The following MMD2 variants were observed in gnomAD, a reference collection of about 807,000 sequenced individuals.
MMD2 encodes monocyte to macrophage differentiation factor 2.
MMD2 carries 30 observed loss-of-function variants against 33.5 expected under a neutral mutation model. The observed-to-expected ratio is 0.90, with a 90% CI of 0.67 to 1.22. MMD2 has a LOEUF of 1.22. MMD2 is among the 50% of genes most tolerant of loss of function. The pLI is 0.00. For missense variants in MMD2, 364 were observed against 325.4 expected (o/e 1.12, Z -0.91); for synonymous variants, 129 against 123.0 (o/e 1.05, Z -0.32).
chr7:4,892,995 C>A, the MMD2 span, among the ~76,000 whole-genome samples: 2 of 152,032 alleles, frequency 1.3e-5, no homozygotes, highest in Non-Finnish European at 2.9e-5. Context: ...ATTACAGGCG[C>A]GAGCCACCGC....
intron 1 of MMD2, among the ~76,000 whole-genome samples, chr7:4,930,291 A>AAAG (rs1242304038): frequency 4.0e-5 from 6 of 148,538 alleles, no homozygotes; most frequent in African/African-American, 4.9e-5. Flanking sequence ...AAAAAAAAAA[A>AAAG]GAGCCCAGAC....
chr7:4,909,638 G>T, intron 6 of MMD2: 1 of 686,200 alleles, frequency 1.5e-6, no homozygotes. Flanking sequence ...GTCTTGCTAT[G>T]TTGCCCAGGC....
chr7:4,911,599 TTTTA>T (rs1222829952), intron 4 of MMD2, among the ~76,000 whole-genome samples: 86 of 18,474 alleles, frequency 4.7e-3, no homozygotes, highest in African/African-American at 0.031. Context: ...TGCTGTTTTG[TTTTA>T]TTTATTTTAT....
At chr7:4,950,959 C>T (rs979378373) in intron 1 of MMD2, among the ~76,000 whole-genome samples, 5 of 152,058 alleles carry the variant, frequency 3.3e-5, no homozygotes, top group South Asian at 2.1e-4. Flanking sequence ...ATGACCCACC[C>T]GCCTCAGCCT....
chr7:4,934,843 C>G (rs1459970705), intron 1 of MMD2, among the ~76,000 whole-genome samples: 1 of 152,182 alleles, frequency 6.6e-6, no homozygotes, highest in Non-Finnish European at 1.5e-5. Flanking sequence ...CTGCAGCTTC[C>G]AAGTATGTAA....
At chr7:4,908,726 A>G (rs548809602) in intron 6 of MMD2, among the ~76,000 whole-genome samples, 49 of 151,714 alleles carry the variant, frequency 3.2e-4, no homozygotes, top group South Asian at 1.0e-3. Flanking sequence ...GTGAAACCCC[A>G]TCTCTACTAA....
intron 1 of MMD2, among the ~76,000 whole-genome samples, chr7:4,930,517 G>C (rs1785552289): frequency 6.6e-6 from 1 of 150,830 alleles, no homozygotes; most frequent in African/African-American, 2.4e-5. Context: ...AGTGGTGGGC[G>C]ACTGTAATCC....
chr7:4,921,093 A>G (rs765086636), intron 2 of MMD2, among the ~76,000 whole-genome samples: 3 of 152,124 alleles, frequency 2.0e-5, no homozygotes, highest in African/African-American at 7.2e-5. Context: ...CTTTGATTCA[A>G]TTCTCAAAGG....
chr7:4,944,331 G>T (rs552626374), intron 1 of MMD2, among the ~76,000 whole-genome samples: 1 of 152,182 alleles, frequency 6.6e-6, no homozygotes, highest in Non-Finnish European at 1.5e-5. Context: ...CCTGGCCCCA[G>T]GGAAACTTTA....
intron 1 of MMD2, among the ~76,000 whole-genome samples, chr7:4,926,197 A>T (rs1489961907): frequency 6.6e-6 from 1 of 151,920 alleles, no homozygotes; most frequent in Non-Finnish European, 1.5e-5. Context: ...TCCTGGGCTC[A>T]AGTGATCCTC....
intron 1 of MMD2, among the ~76,000 whole-genome samples, 152 bp downstream of exon 1, chr7:4,958,819 T>G (rs556230224): frequency 6.6e-6 from 1 of 152,176 alleles, no homozygotes; most frequent in South Asian, 2.1e-4. Flanking sequence ...CGAGGCTGCC[T>G]GGGTCCTGGT....
Position 4,937,408 on chromosome 7 carries a change from A to G in MMD2, c.48-11876T>C, listed in dbSNP as rs188088829. 2.3e-3 allele frequency among the ~76,000 whole-genome samples: 350 copies of G among 152,048 alleles called. 1 individual carries two copies. The highest frequency in any genetic ancestry group is 7.8e-3 in the African/African-American group (322 of 41,506). Reference sequence around the variant, plus strand: ...AGAGACTCTGTCACAAAAAGAAAAAAAGAAAGAAAAAGAAAGAAAGAGAAA... The same window carrying G: ...AGAGACTCTGTCACAAAAAGAAAAAGAGAAAGAAAAAGAAAGAAAGAGAAA... On this transcript the variant is annotated intron_variant, in intron 1 of 6. Coordinates refer to ENST00000401401, the MANE Select transcript of MMD2 (RefSeq NM_198403.4).
intron 4 of MMD2, 106 bp from the exon 5 acceptor site, chr7:4,911,352 A>T (rs1440235391): frequency 3.6e-6 from 3 of 824,484 alleles, no homozygotes; most frequent in Non-Finnish European, 5.8e-6. Flanking sequence ...AAGTCCTGTC[A>T]CCTGTGACTC....
intron 1 of MMD2, among the ~76,000 whole-genome samples, chr7:4,926,090 G>GAT (rs1785417819): frequency 1.3e-5 from 2 of 151,742 alleles, no homozygotes; most frequent in South Asian, 4.2e-4. Flanking sequence ...ACAGGCGTGA[G>GAT]ATACCACGCC....
chr7:4,933,674 C>G (rs1785657001), intron 1 of MMD2, among the ~76,000 whole-genome samples: 1 of 151,918 alleles, frequency 6.6e-6, no homozygotes, highest in Admixed American at 6.6e-5. Context: ...GGTCTATCAC[C>G]CTGGCTGGAG....
the MMD2 span, among the ~76,000 whole-genome samples, chr7:4,892,485 G>A: frequency 7.9e-5 from 12 of 151,700 alleles, no homozygotes; most frequent in Non-Finnish European, 1.5e-4. Flanking sequence ...CTACTCGGGA[G>A]GCTGAGGCAG....
At chr7:4,937,553 C>T (rs1405638169) in intron 1 of MMD2, among the ~76,000 whole-genome samples, 2 of 152,140 alleles carry the variant, frequency 1.3e-5, no homozygotes, top group African/African-American at 2.4e-5. Context: ...CTGTCATTCA[C>T]GCTGAAACGC....
chr7:4,918,159 G>A (rs1037709645), intron 3 of MMD2, among the ~76,000 whole-genome samples: 4 of 152,150 alleles, frequency 2.6e-5, no homozygotes, highest in African/African-American at 9.7e-5. Context: ...AGCACAGACT[G>A]GAGCCACACA....
At chr7:4,901,165 G>C (rs918512744), downstream of MMD2, among the ~76,000 whole-genome samples, 2 of 150,134 alleles carry the variant, frequency 1.3e-5, no homozygotes, top group Non-Finnish European at 3.0e-5. Context: ...TATAGGCCGG[G>C]TGTGGTGGCT....
Sources: allele counts gnomAD v4.1 joint callset (sites outside exome capture counted in the v4.1 genomes callset), GRCh38; gene constraint gnomAD v4.1.1; transcripts MANE v1.5; gene names NCBI Gene and HGNC (gene_info 2026-07-23, HGNC 2026-07-21).